The following PRPSAP2 variants were observed in gnomAD, a reference collection of about 807,000 sequenced individuals.
PRPSAP2 encodes the protein phosphoribosyl pyrophosphate synthetase associated protein 2, also known as phosphoribosyl pyrophosphate synthase-associated protein 2.
A neutral mutation model predicts 40.6 loss-of-function variants in PRPSAP2; 24 were observed. That is an observed-to-expected ratio of 0.59 (90% confidence interval 0.43 to 0.83). PRPSAP2 has a LOEUF of 0.83. Ranked by LOEUF, PRPSAP2 falls within the 40% of genes least tolerant of loss-of-function variation. The pLI is 0.00. For missense variants in PRPSAP2, 292 were observed against 465.6 expected, an observed-to-expected ratio of 0.63 and a Z score of 3.43; for synonymous variants, 149 against 164.7, an observed-to-expected ratio of 0.90 and a Z score of 0.73.
chr17:18,926,775 T>TGA (rs905182240), intron 10 of PRPSAP2, among the ~76,000 whole-genome samples: 10 of 124,762 alleles, frequency 8.0e-5, no homozygotes, highest in African/African-American at 1.5e-4. Flanking sequence ...GTAGTGAGTG[T>TGA]GAGTGTGTGT....
At chr17:18,919,870 G>A (rs1292077947) in intron 9 of PRPSAP2, among the ~76,000 whole-genome samples, 2 of 152,216 alleles carry the variant, frequency 1.3e-5, no homozygotes, top group Non-Finnish European at 2.9e-5. Flanking sequence ...CTTGGACTTA[G>A]TAATGGGGAT....
At chr17:18,898,836 C>T (rs2040080879) in intron 8 of PRPSAP2, among the ~76,000 whole-genome samples, 1 of 152,072 alleles carries the variant, frequency 6.6e-6, no homozygotes, top group South Asian at 2.1e-4. Flanking sequence ...TTTTTTAGTC[C>T]TACCGTCTTT....
chr17:18,857,074 C>T (rs193270646), upstream of PRPSAP2, among the ~76,000 whole-genome samples: 1,117 of 152,258 alleles, frequency 7.3e-3, 4 homozygotes, highest in Non-Finnish European at 0.011. Flanking sequence ...TGGCTCACGC[C>T]TGTAACCCCA....
intron 8 of PRPSAP2, among the ~76,000 whole-genome samples, chr17:18,909,887 C>T (rs1172238924): frequency 6.6e-6 from 1 of 151,830 alleles, no homozygotes; most frequent in African/African-American, 2.4e-5. Context: ...GAGACTCTGT[C>T]TCAAAAGAAA....
intron 8 of PRPSAP2, among the ~76,000 whole-genome samples, chr17:18,894,168 T>G (rs937978267): frequency 2.6e-5 from 4 of 151,944 alleles, no homozygotes; most frequent in Non-Finnish European, 5.9e-5. Context: ...GCTTTTTTTT[T>G]TCTTTTGAGA....
In PRPSAP2 at chr17:18,886,929, CTTTTTTTTTTTT is replaced by C. The variant is rs71155365; in HGVS notation, c.529-2880_529-2869del. Among the ~76,000 whole-genome samples the C allele has an allele frequency of 4.0e-5, 3 of 75,372 alleles. 1 individual carries two copies. The highest frequency in any genetic ancestry group is 1.0e-3 in the South Asian group (2 of 1,990). The allele number at this position is 75,372 out of a possible 152,430, so 49.4% of individuals were successfully genotyped here. On this transcript the variant is annotated intron_variant, in intron 7 of 11. Transcript: ENST00000268835. Reference sequence around the variant, plus strand: ...CATACATGATAATTTTTCTTTTCTTCTTTTTTTTTTTTTTTTTTTTTTTTGAGACGGAGTTTT... The same window carrying C: ...CATACATGATAATTTTTCTTTTCTTCTTTTTTTTTTTTGAGACGGAGTTTT...
chr17:18,926,494 CCTGACCTCGTGAT>C (rs1158997864), intron 10 of PRPSAP2, among the ~76,000 whole-genome samples: 2 of 152,196 alleles, frequency 1.3e-5, no homozygotes, highest in East Asian at 3.9e-4. Context: ...GTTTCGAACT[CCTGACCTCGTGAT>C]CTGCCCGCCT....
At chr17:18,874,202 A>G (rs1243639430) in intron 5 of PRPSAP2, among the ~76,000 whole-genome samples, 1 of 152,128 alleles carries the variant, frequency 6.6e-6, no homozygotes, top group Non-Finnish European at 1.5e-5. Context: ...AGGTGAGCCT[A>G]TCACACCTGG....
intron 9 of PRPSAP2, among the ~76,000 whole-genome samples, chr17:18,914,191 G>T (rs1389079730): frequency 7.6e-6 from 1 of 131,430 alleles, no homozygotes; most frequent in Non-Finnish European, 1.6e-5. Flanking sequence ...AAAAAAAAAA[G>T]AAAAAAGAAA....
chr17:18,864,427 GGGACTATA>G (rs926197859), intron 1 of PRPSAP2, among the ~76,000 whole-genome samples: 3 of 151,900 alleles, frequency 2.0e-5, no homozygotes, highest in African/African-American at 7.3e-5. Flanking sequence ...TAGAGTAGCT[GGGACTATA>G]GGCAGCCACC....
chr17:18,868,585 A>G (rs1482326842), intron 4 of PRPSAP2, among the ~76,000 whole-genome samples: 1 of 152,276 alleles, frequency 6.6e-6, no homozygotes, highest in East Asian at 1.9e-4. Context: ...AACCTTTCTA[A>G]ACTATAAATA....
At chr17:18,908,288 A>G (rs1256562807) in intron 8 of PRPSAP2, 4 of 774,792 alleles carry the variant, frequency 5.2e-6, no homozygotes, top group African/African-American at 3.4e-5. Flanking sequence ...CGCCAAGGAC[A>G]CTCATGAGGA....
rs368554286 is a variant in PRPSAP2 at position 18,885,675 on chromosome 17, C to G, written c.528+2992C>G. Among the ~76,000 whole-genome samples, 7 of 152,018 alleles carry G rather than the reference C, an allele frequency of 4.6e-5. No individual in the cohort carries two copies. The East Asian group carries it at 1.2e-3, about 25-fold the overall frequency. ...TGATCTCGGCTCACAGCAACCTCCC[C>G]CTCCCAGGTTCAAGTGATTGTCCTG... On this transcript the variant is annotated intron_variant, in intron 7 of 11. Coordinates refer to ENST00000268835, the MANE Select transcript of PRPSAP2 (RefSeq NM_002767.4).
chr17:18,890,612 T>G (rs1044363968), intron 8 of PRPSAP2, among the ~76,000 whole-genome samples: 2 of 152,182 alleles, frequency 1.3e-5, no homozygotes, highest in African/African-American at 4.8e-5. Context: ...GCGCCTGACC[T>G]CAATCATATT....
At chr17:18,863,571 C>G (rs1047531848) in intron 1 of PRPSAP2, among the ~76,000 whole-genome samples, 1 of 151,796 alleles carries the variant, frequency 6.6e-6, no homozygotes, top group South Asian at 2.1e-4. Context: ...CTCGCTCTGT[C>G]GCCCAGGCTG....
chr17:18,888,907 G>A (rs1212037445), intron 7 of PRPSAP2, among the ~76,000 whole-genome samples: 1 of 152,198 alleles, frequency 6.6e-6, no homozygotes, highest in African/African-American at 2.4e-5. Flanking sequence ...AGAGACAATA[G>A]ACTTGTTTTT....
intron 10 of PRPSAP2, chr17:18,928,592 T>C (rs549818660): frequency 1.3e-4 from 74 of 549,084 alleles, no homozygotes; most frequent in African/African-American, 1.2e-3. Context: ...ATAGCTCCAA[T>C]AGTGGCAGGT....
intron 4 of PRPSAP2, among the ~76,000 whole-genome samples, chr17:18,868,359 C>A (rs62075120): frequency 0.074 from 11,222 of 151,998 alleles, 425 homozygotes; most frequent in South Asian, 0.087. Flanking sequence ...CCTATAATCC[C>A]AGCTCCTGGG....
intron 8 of PRPSAP2, among the ~76,000 whole-genome samples, chr17:18,905,848 G>GC (rs1464463620): frequency 6.6e-6 from 1 of 152,206 alleles, no homozygotes; most frequent in Non-Finnish European, 1.5e-5. Flanking sequence ...CTCCCAAAGT[G>GC]CTGGGATTAC....
Sources: gnomAD v4.1 joint callset for allele counts (sites outside exome capture counted in the v4.1 genomes callset) on GRCh38, gnomAD v4.1.1 for gene constraint, MANE v1.5 for transcripts, NCBI Gene and HGNC (gene_info 2026-07-23, HGNC 2026-07-21) for gene names.